The following TRAPPC4 variants were observed in gnomAD, a reference collection of about 807,000 sequenced individuals.
TRAPPC4 encodes TRS23 homolog.
A neutral mutation model predicts 23.5 loss-of-function variants in TRAPPC4; 30 were observed. The observed-to-expected ratio is 1.28, with a 90% CI of 0.96 to 1.73. The LOEUF (loss-of-function observed/expected upper bound fraction) is 1.73. TRAPPC4 is among the 40% of genes most tolerant of loss of function. The pLI, the probability that TRAPPC4 is intolerant of heterozygous loss-of-function variation, is 0.00. For synonymous variants in TRAPPC4, 129 were observed against 105.3 expected (o/e 1.23, Z -1.38); for missense variants, 252 against 268.9 (o/e 0.94, Z 0.44).
chr11:119,020,351 G>T, intron 3 of TRAPPC4, 98 bp downstream of exon 3: 1 of 924,294 alleles, frequency 1.1e-6, no homozygotes, highest in Non-Finnish European at 1.7e-6. Flanking sequence ...GAGTGTGGTG[G>T]AGAAGGTGGG....
intron 4 of TRAPPC4, among the ~76,000 whole-genome samples, chr11:119,022,155 C>A (rs1943378179): frequency 6.6e-6 from 1 of 152,070 alleles, no homozygotes; most frequent in South Asian, 2.1e-4. Flanking sequence ...TGGCTAATTT[C>A]ATGTTTCTAG....
chr11:119,022,957 G>GTT (rs71048033), intron 4 of TRAPPC4: 9,204 of 84,308 alleles, frequency 0.11, 1,273 homozygotes, highest in Middle Eastern at 0.13. Context: ...TTTTGTTGAT[G>GTT]TTTTTTTTTT....
chr11:119,023,199 A>G, intron 4 of TRAPPC4, 122 bp from the exon 5 acceptor site: 3 of 884,618 alleles, frequency 3.4e-6, no homozygotes, highest in Non-Finnish European at 5.5e-6. Flanking sequence ...TCCTGACCTC[A>G]GCTGATCCGC....
chr11:119,021,458 CCTGA>C (rs1943356220), intron 3 of TRAPPC4: 1 of 257,924 alleles, frequency 3.9e-6, no homozygotes, highest in Non-Finnish European at 7.5e-6. Context: ...TTGAAAACTG[CCTGA>C]CTTTGTCCCC....
intron 4 of TRAPPC4, among the ~76,000 whole-genome samples, chr11:119,022,425 A>G (rs986096791): frequency 1.2e-4 from 17 of 146,880 alleles, no homozygotes; most frequent in Non-Finnish European, 1.5e-4. Context: ...CCATCTTTAC[A>G]AAAAAAAAAA....
chr11:119,022,362 G>A (rs548629609), intron 4 of TRAPPC4, among the ~76,000 whole-genome samples: 30 of 152,222 alleles, frequency 2.0e-4, no homozygotes, highest in African/African-American at 6.7e-4. Flanking sequence ...AGACGGAGAG[G>A]GTAGGATCAC....
chr11:119,019,896 G>C (rs900611284), intron 2 of TRAPPC4: 1 of 362,326 alleles, frequency 2.8e-6, no homozygotes, highest in Non-Finnish European at 5.1e-6. Flanking sequence ...AGCTTAGTAA[G>C]CGTGGCACAT....
At chr11:119,021,578 C>A in intron 3 of TRAPPC4, 182 bp from the exon 4 acceptor site, 1 of 583,284 alleles carries the variant, frequency 1.7e-6, no homozygotes, top group Non-Finnish European at 2.9e-6. Flanking sequence ...AAAGTTACTT[C>A]ACTTCTCTGG....
At position 119,020,151 on chromosome 11, in the gene TRAPPC4, C is replaced by T. The variant is rs1352601688; in HGVS notation, c.352C>T (p.Leu118Phe). Residue 118 changes from leucine to phenylalanine, a missense_variant and splice_region_variant, in exon 3 of 5, where the codon CTC (leucine) becomes TTC (phenylalanine). Physicochemically the swap from Leu to Phe is conservative, Grantham distance 22. Around this residue, in one of 3 missense-constraint regions of TRAPPC4, gnomAD observed 222 missense variants for 217.8 expected, o/e 1.02. Coordinates refer to ENST00000533632, the MANE Select transcript of TRAPPC4 (RefSeq NM_016146.6). ...KLMLASMFHS[L>F]FAIGSQLSPE... is the part of the protein sequence containing the mutation. ...CAACTTTGCCTCCTTTGCATATAGGCTCTTTGCCATCGGCTCCCAGCTGTC... is the reference window on the plus strand; with the variant it reads ...CAACTTTGCCTCCTTTGCATATAGGTTCTTTGCCATCGGCTCCCAGCTGTC... 1 of 1,613,272 alleles carries T rather than the reference C, an allele frequency of 6.2e-7. No homozygotes were observed. The highest frequency in any genetic ancestry group is 1.1e-5 in the South Asian group (1 of 91,060).
intron 3 of TRAPPC4, 47 bp downstream of exon 3, chr11:119,020,300 G>A: frequency 6.7e-7 from 1 of 1,481,920 alleles, no homozygotes; most frequent in East Asian, 2.3e-5. Flanking sequence ...AGAAGGTGGG[G>A]AAGAGATACT....
Position 119,019,141 on chromosome 11 carries a change from A to T in TRAPPC4, c.176-2A>T. ...CGCTGACCGTTAGCTTCACCTCTGC[A>T]GTGGGTCATGCAGTGCTGGCCATCA... On this transcript the variant is annotated splice_acceptor_variant, in intron 1 of 4. Transcript: ENST00000533632. LOFTEE classifies it high-confidence loss of function. 6.2e-7 allele frequency: 1 copy of T among 1,613,894 alleles called. No homozygotes were observed. Among genetic ancestry groups the T allele is most frequent in the South Asian group, 1.1e-5 (1 of 91,074 alleles).
At chr11:119,020,036 A>C (rs920740003) in intron 2 of TRAPPC4, 114 bp from the exon 3 acceptor site, 3 of 653,380 alleles carry the variant, frequency 4.6e-6, no homozygotes, top group African/African-American at 3.6e-5. Context: ...AGTTCACACT[A>C]CTTCTCCTGA....
In TRAPPC4 at chr11:119,023,409, G is replaced by A; in HGVS notation, c.*10G>A. 6.2e-7 allele frequency: 1 copy of A among 1,613,594 alleles called. No individual in the cohort carries two copies. The highest frequency in any genetic ancestry group is 8.5e-7 in the Non-Finnish European group (1 of 1,179,586). ...TGGACCTGGGTCATAGGCTGAACCT[G>A]TTATGGACCCCCAAATTCTGAGAGT... On this transcript the variant is annotated 3_prime_UTR_variant, in exon 5 of 5. Coordinates refer to ENST00000533632, the MANE Select transcript of TRAPPC4 (RefSeq NM_016146.6).
rs919237988 is a variant in TRAPPC4, at chr11:119,023,621, G to A, written c.*222G>A. On this transcript the variant is annotated 3_prime_UTR_variant, in exon 5 of 5. Transcript: ENST00000533632. ...ACTCTGTACAGATTTATTTATGGAG[G>A]AGCTAGGTCCATAAATGTTGTAATA... is the stretch of plus-strand genomic sequence containing the variant. 2.4e-6 allele frequency: 1 copy of A among 408,848 alleles called. No homozygotes were observed. 25.3% of individuals were successfully genotyped at this position (408,848 alleles called of 1,614,324 possible).
chr11:119,019,640 C>T, intron 2 of TRAPPC4: 1 of 283,074 alleles, frequency 3.5e-6, no homozygotes, highest in Non-Finnish European at 6.9e-6. Flanking sequence ...GGGGTTTTGC[C>T]ATGTTGGCCA....
chr11:119,019,618 T>A (rs4938620), intron 2 of TRAPPC4: 42,909 of 328,266 alleles, frequency 0.13, 3,738 homozygotes, highest in Admixed American at 0.32. Flanking sequence ...ATTTTTGTAT[T>A]TTTAGTAGAG....
chr11:119,018,987 C>A lies in TRAPPC4; in HGVS notation c.175+17C>A, dbSNP rs1245634122. On this transcript the variant is annotated intron_variant, in intron 1 of 4. Transcript: ENST00000533632. ...GCATCCGAGGTGGGCTAGGCTCGGG[C>A]CCGTGGCGGGTGCGGGGGTGGGAGG... 2 of 1,607,064 alleles carry A rather than the reference C, an allele frequency of 1.2e-6. No individual in the cohort carries two copies. Among genetic ancestry groups the A allele is most frequent in the East Asian group, 2.2e-5 (1 of 44,776 alleles).
intron 3 of TRAPPC4, 51 bp downstream of exon 3, chr11:119,020,304 A>G (rs370079539): frequency 1.4e-6 from 2 of 1,461,416 alleles, no homozygotes; most frequent in Non-Finnish European, 1.9e-6. Flanking sequence ...GGTGGGGAAG[A>G]GATACTGATA....
chr11:119,020,885 T>G (rs1280197117), intron 3 of TRAPPC4: 1 of 151,528 alleles, frequency 6.6e-6, no homozygotes, highest in East Asian at 1.9e-4. Flanking sequence ...TTTTGTGGGG[T>G]TTTTTTGTTT....
Sources: allele counts gnomAD v4.1 joint callset (sites outside exome capture counted in the v4.1 genomes callset), GRCh38; gene constraint gnomAD v4.1.1; regional missense constraint gnomAD v4.1.1; transcripts MANE v1.5; gene names NCBI Gene and HGNC (gene_info 2026-07-23, HGNC 2026-07-21).